The following PALLD variants were observed in gnomAD, a reference collection of about 807,000 sequenced individuals.
The protein encoded by PALLD is palladin.
A neutral mutation model predicts 123.5 loss-of-function variants in PALLD; 61 were observed. That is an observed-to-expected ratio of 0.49 (90% confidence interval 0.40 to 0.61). The LOEUF is 0.61. PALLD is among the 20% of genes least tolerant of loss of function. The pLI is 0.00. For missense variants in PALLD, 1,273 were observed against 1,377.0 expected (o/e 0.92, Z 1.20); for synonymous variants, 465 against 496.4 (o/e 0.94, Z 0.84).
chr4:168,755,233 A>AG (rs1491385700), intron 10 of PALLD, among the ~76,000 whole-genome samples: 34 of 52,154 alleles, frequency 6.5e-4, no homozygotes, highest in African/African-American at 4.3e-4. Flanking sequence ...ACTCCGTCTC[A>AG]AAAAAAAAAA....
chr4:168,748,995 C>G (rs1474156963), intron 10 of PALLD, among the ~76,000 whole-genome samples: 1 of 152,138 alleles, frequency 6.6e-6, no homozygotes, highest in Non-Finnish European at 1.5e-5. Context: ...ATGTCCCTGC[C>G]AAATCTCATG....
chr4:168,700,675 T>A (rs1479332446), intron 8 of PALLD: 1 of 152,208 alleles, frequency 6.6e-6, no homozygotes, highest in Non-Finnish European at 1.5e-5. Context: ...AGAGGTTATA[T>A]TTCAGCGAAC....
intron 2 of PALLD, among the ~76,000 whole-genome samples, chr4:168,565,921 C>G (rs1768326174): frequency 6.6e-6 from 1 of 151,952 alleles, no homozygotes; most frequent in South Asian, 2.1e-4. Context: ...ATGCTAGTGG[C>G]TGTTGCAGAA....
At chr4:168,757,040 G>A (rs781370171) in intron 10 of PALLD, among the ~76,000 whole-genome samples, 1 of 152,188 alleles carries the variant, frequency 6.6e-6, no homozygotes, top group Non-Finnish European at 1.5e-5. Flanking sequence ...AATGAGGACC[G>A]AGAATAATCT....
chr4:168,851,560 G>C (rs1747795841), intron 10 of PALLD, among the ~76,000 whole-genome samples: 1 of 152,038 alleles, frequency 6.6e-6, no homozygotes, highest in African/African-American at 2.4e-5. Context: ...TAGAGACGGG[G>C]TTTCACCATG....
intron 14 of PALLD, among the ~76,000 whole-genome samples, chr4:168,901,354 C>G (rs193211514): frequency 6.6e-6 from 1 of 152,286 alleles, no homozygotes; most frequent in African/African-American, 2.4e-5. Flanking sequence ...TTACCCTGTT[C>G]TCGTGCTTGT....
At chr4:168,505,340 G>A (rs1231020833) in intron 1 of PALLD, among the ~76,000 whole-genome samples, 1 of 152,206 alleles carries the variant, frequency 6.6e-6, no homozygotes, top group Non-Finnish European at 1.5e-5. Context: ...ATAAGCAGGT[G>A]AGATAATCTG....
chr4:168,563,061 G>A (rs10022002), intron 2 of PALLD, among the ~76,000 whole-genome samples: 93,345 of 151,992 alleles, frequency 0.61, 28,867 homozygotes, highest in East Asian at 0.8. Flanking sequence ...GGGGAGTGGC[G>A]GACAGAAGAA....
At chr4:168,673,162 C>A (rs941578634) in intron 3 of PALLD, among the ~76,000 whole-genome samples, 9 of 152,178 alleles carry the variant, frequency 5.9e-5, no homozygotes, top group Admixed American at 4.6e-4. Context: ...CACACAGCAG[C>A]GAACAAGCAG....
intron 10 of PALLD, among the ~76,000 whole-genome samples, chr4:168,836,659 G>A (rs1254137027): frequency 6.6e-6 from 1 of 152,202 alleles, no homozygotes; most frequent in African/African-American, 2.4e-5. Context: ...GGAGCGCCAC[G>A]CAGGAGACTC....
intron 15 of PALLD, among the ~76,000 whole-genome samples, chr4:168,906,896 T>G (rs374411097): frequency 5.3e-5 from 8 of 150,434 alleles, no homozygotes; most frequent in African/African-American, 9.8e-5. Context: ...AGGAAGGAAA[T>G]AAAAAAGAAA....
chr4:168,586,072 A>C (rs1352313641), intron 2 of PALLD, among the ~76,000 whole-genome samples: 3 of 151,544 alleles, frequency 2.0e-5, no homozygotes, highest in African/African-American at 7.3e-5. Context: ...TGTCTTGAGA[A>C]ATTTTTATTT....
intron 2 of PALLD, among the ~76,000 whole-genome samples, chr4:168,661,031 A>G (rs1037526371): frequency 1.3e-5 from 2 of 151,914 alleles, no homozygotes; most frequent in African/African-American, 4.8e-5. Flanking sequence ...CAGCCTCCTG[A>G]GTAGCTGGGA....
intron 1 of PALLD, among the ~76,000 whole-genome samples, chr4:168,500,393 TCA>T (rs35786474): frequency 0.68 from 103,330 of 151,736 alleles, 35,282 homozygotes; most frequent in East Asian, 0.77. Context: ...AGTCAGGGTC[TCA>T]CTCTTTTGCC....
At chr4:168,675,218 C>A (rs1018162301) in intron 3 of PALLD, among the ~76,000 whole-genome samples, 2 of 152,150 alleles carry the variant, frequency 1.3e-5, no homozygotes, top group African/African-American at 4.8e-5. Flanking sequence ...TGGATTAAAC[C>A]GGACCTTGTG....
intron 2 of PALLD, among the ~76,000 whole-genome samples, chr4:168,620,040 CAT>C (rs1265401920): frequency 1.3e-5 from 2 of 152,298 alleles, no homozygotes; most frequent in African/African-American, 2.4e-5. Flanking sequence ...AACCTGCTGA[CAT>C]GGAACAGAGC....
At chr4:168,676,729 T>G (rs1277912738) in intron 3 of PALLD, among the ~76,000 whole-genome samples, 1 of 147,798 alleles carries the variant, frequency 6.8e-6, no homozygotes, top group Non-Finnish European at 1.5e-5. Context: ...GGGACTACCA[T>G]GCCCATCTAA....
At chr4:168,565,944 GTGT>G (rs1488428317) in intron 2 of PALLD, among the ~76,000 whole-genome samples, 1 of 151,990 alleles carries the variant, frequency 6.6e-6, no homozygotes, top group Non-Finnish European at 1.5e-5. Context: ...AGTGTGTTTT[GTGT>G]TATATAATGG....
chr4:168,897,738 C>T (rs1167971105), intron 13 of PALLD, among the ~76,000 whole-genome samples: 1 of 152,180 alleles, frequency 6.6e-6, no homozygotes, highest in Non-Finnish European at 1.5e-5. Flanking sequence ...CAGGCATGAG[C>T]CACTGTACCT....
Sources: gnomAD v4.1 joint callset for allele counts (sites outside exome capture counted in the v4.1 genomes callset) on GRCh38, gnomAD v4.1.1 for gene constraint, MANE v1.5 for transcripts, NCBI Gene and HGNC (gene_info 2026-07-23, HGNC 2026-07-21) for gene names.